ZC3H6: variants seen among roughly 807,000 people sequenced by gnomAD.
ZC3H6 encodes the protein zinc finger CCCH-type containing 6.
Under a neutral mutation model 107.7 loss-of-function variants are expected in ZC3H6, and 40 were observed. That is an observed-to-expected ratio of 0.37 (90% CI 0.29 to 0.48). The LOEUF is 0.48. ZC3H6 is among the 20% of genes least tolerant of loss of function. ZC3H6 has a pLI of 0.98. For missense variants in ZC3H6, 1,267 were observed against 1,410.4 expected (o/e 0.90, Z 1.63); for synonymous variants, 493 against 487.9 (o/e 1.01, Z -0.14).
intron 5 of ZC3H6, among the ~76,000 whole-genome samples, chr2:112,313,994 C>G (rs999773661): frequency 5.3e-5 from 8 of 152,126 alleles, no homozygotes; most frequent in African/African-American, 1.9e-4. Flanking sequence ...TTTACTGTAC[C>G]TATTACATTT....
chr2:112,284,786 G>T (rs1243348092), intron 1 of ZC3H6, among the ~76,000 whole-genome samples: 1 of 152,014 alleles, frequency 6.6e-6, no homozygotes, highest in Non-Finnish European at 1.5e-5. Flanking sequence ...AACTTTTGGA[G>T]GTTTTCCTCC....
intron 9 of ZC3H6, among the ~76,000 whole-genome samples, chr2:112,323,516 T>C (rs145528272): frequency 6.6e-6 from 1 of 152,322 alleles, no homozygotes; most frequent in Admixed American, 6.5e-5. Context: ...AAGATAAGTA[T>C]GTCCACTATT....
chr2:112,300,048 T>C lies in ZC3H6; in HGVS notation c.213+19T>C. On this transcript the variant is annotated intron_variant, in intron 2 of 11. Coordinates refer to ENST00000409871, the MANE Select transcript of ZC3H6 (RefSeq NM_198581.3). ...ACATAAGGTTAGTTAGAATCTACTT[T>C]TTATTCTTTTGATAAATGTTTATGA... 4 of 1,339,772 alleles carry C rather than the reference T, an allele frequency of 3.0e-6. No homozygotes were observed. Among genetic ancestry groups the C allele is most frequent in the South Asian group, 1.9e-5 (1 of 51,364 alleles). The allele number at this position is 1,339,772 out of a possible 1,614,324, so 83.0% of individuals were successfully genotyped here.
At chr2:112,299,081 T>A (rs1355592786) in intron 1 of ZC3H6, among the ~76,000 whole-genome samples, 1 of 151,988 alleles carries the variant, frequency 6.6e-6, no homozygotes, top group Non-Finnish European at 1.5e-5. Flanking sequence ...ATTGAGACCA[T>A]CCTGGCTAAC....
At chr2:112,303,107 G>A (rs918004104) in intron 2 of ZC3H6, 122 bp from the exon 3 acceptor site, 4 of 1,258,142 alleles carry the variant, frequency 3.2e-6, no homozygotes, top group Non-Finnish European at 4.3e-6. Flanking sequence ...TAGTACTTCA[G>A]AGTCTCCTGG....
rs1313063800 is a variant in ZC3H6 at position 112,322,874 on chromosome 2, G to A, written c.1312G>A (p.Val438Met). ...SLFEIVVKPT[V>M]DLAHKIGRKP... ...TTTTGAAATAGTTGTAAAACCTACTGTGGATTTAGCGCATAAAATTGGGAG... is the reference window on the plus strand; with the variant it reads ...TTTTGAAATAGTTGTAAAACCTACTATGGATTTAGCGCATAAAATTGGGAG... Residue 438 changes from valine (V) to methionine (M), a missense_variant, in exon 9 of 12, where the codon GTG becomes ATG. By Grantham distance (21) the Val-to-Met change is conservative. This residue lies in a region of ZC3H6 where 925 missense variants were observed against 1,025.7 expected (regional missense o/e 0.90). Coordinates refer to ENST00000409871, the MANE Select transcript of ZC3H6 (RefSeq NM_198581.3). The A allele has an allele frequency of 1.2e-6, 2 of 1,605,900 alleles. No individual in the cohort carries two copies. Among genetic ancestry groups the A allele is most frequent in the African/African-American group, 2.7e-5 (2 of 74,446 alleles).
chr2:112,315,554 A>G (rs1456674118), intron 5 of ZC3H6, among the ~76,000 whole-genome samples: 2 of 150,654 alleles, frequency 1.3e-5, no homozygotes, highest in African/African-American at 2.4e-5. Context: ...ATTGGGATCA[A>G]TTTTTTACTT....
At position 112,331,876 on chromosome 2, in the gene ZC3H6, G is replaced by A. The variant is rs758200781; in HGVS notation, c.2958G>A (p.Met986Ile). The A allele has an allele frequency of 2.2e-5, 36 of 1,613,858 alleles. No homozygotes were observed. The East Asian group carries it at 8.0e-4, about 36-fold the overall frequency. Reference sequence around the variant, plus strand: ...ATACAGAGTCTCATCAAGTGGTTATGAAGGATTCACATGCATCAAAGGGTG... The same window carrying A: ...ATACAGAGTCTCATCAAGTGGTTATAAAGGATTCACATGCATCAAAGGGTG... ...LPNTESHQVV[M>I]KDSHASKGAP... The change falls in exon 12 of 12, where the codon ATG (methionine) becomes ATA (isoleucine). Residue 986 changes from methionine to isoleucine, a missense_variant. This residue lies in a region of ZC3H6 where 925 missense variants were observed against 1,025.7 expected (regional missense o/e 0.90). Coordinates refer to ENST00000409871, the MANE Select transcript of ZC3H6 (RefSeq NM_198581.3).
chr2:112,280,887 C>T (rs922187678), intron 1 of ZC3H6, among the ~76,000 whole-genome samples: 1 of 152,024 alleles, frequency 6.6e-6, no homozygotes, highest in African/African-American at 2.4e-5. Context: ...GTCTTTTAAG[C>T]AGGAGAATGA....
At chr2:112,299,644 A>G (rs978810917) in intron 1 of ZC3H6, among the ~76,000 whole-genome samples, 7 of 152,246 alleles carry the variant, frequency 4.6e-5, no homozygotes, top group African/African-American at 1.7e-4. Context: ...AAGGAATGTT[A>G]AATGAAGACG....
In ZC3H6 at chr2:112,322,906, A is replaced by G; in HGVS notation, c.1340+4A>G. On this transcript the variant is annotated splice_donor_region_variant and intron_variant, in intron 9 of 11. Transcript: ENST00000409871. ...TAGCGCATAAAATTGGGAGGAAGTA[A>G]GTGAAAAACTTTCAAAATGACATCA... The G allele has an allele frequency of 6.4e-7, 1 of 1,567,334 alleles. No individual in the cohort carries two copies. The highest frequency in any genetic ancestry group is 8.6e-7 in the Non-Finnish European group (1 of 1,161,988).
chr2:112,316,685 A>G (rs1573960887), intron 6 of ZC3H6, 99 bp downstream of exon 6: 9 of 690,472 alleles, frequency 1.3e-5, no homozygotes, highest in Non-Finnish European at 2.1e-5. Flanking sequence ...CTTCTCATAT[A>G]GTTGTAATAA....
rs1462105382 is a variant in ZC3H6 at position 112,331,973 on chromosome 2, G to A, written c.3055G>A (p.Gly1019Arg). Residue 1019 changes from glycine (G) to arginine (R), a missense_variant, in exon 12 of 12, where the codon GGG becomes AGG. By Grantham distance (125) the Gly-to-Arg change is moderately radical. Transcript: ENST00000409871. ...GGCAGGAACTAGCAATTCTGGTTCCGGGGCTCTGCCTCCATATGCCCCTAA... is the reference window on the plus strand; with the variant it reads ...GGCAGGAACTAGCAATTCTGGTTCCAGGGCTCTGCCTCCATATGCCCCTAA... ...SGAGTSNSGS[G>R]ALPPYAPKLS... 4 of 1,613,992 alleles carry A rather than the reference G, an allele frequency of 2.5e-6. No homozygotes were observed. Among genetic ancestry groups the A allele is most frequent in the Non-Finnish European group, 3.4e-6 (4 of 1,179,896 alleles).
chr2:112,315,913 G>T (rs928294345), intron 5 of ZC3H6, among the ~76,000 whole-genome samples: 1 of 152,092 alleles, frequency 6.6e-6, no homozygotes, highest in African/African-American at 2.4e-5. Flanking sequence ...CAAAGTTGTT[G>T]ATTTTTTAAT....
At chr2:112,292,057 C>T (rs1180999747) in intron 1 of ZC3H6, among the ~76,000 whole-genome samples, 2 of 152,114 alleles carry the variant, frequency 1.3e-5, no homozygotes, top group Non-Finnish European at 2.9e-5. Flanking sequence ...TTTGGGGACT[C>T]GAAATTCTCC....
intron 3 of ZC3H6, among the ~76,000 whole-genome samples, chr2:112,304,371 CAGTCTGG>C (rs1335069804): frequency 6.6e-6 from 1 of 152,150 alleles, no homozygotes; most frequent in African/African-American, 2.4e-5. Context: ...TATTTTCTCA[CAGTCTGG>C]AGTCTAGAAG....
At position 112,336,115 on chromosome 2, in the gene ZC3H6, C is replaced by T. The variant is rs1262791518; in HGVS notation, c.*3627C>T. On this transcript the variant is annotated 3_prime_UTR_variant, in exon 12 of 12. Coordinates refer to ENST00000409871, the MANE Select transcript of ZC3H6 (RefSeq NM_198581.3). ...ACACTGCGGTCTTCCTGAAAGACTA[C>T]TTACTTCATAAAGGTATTATGTTTC... 6.6e-6 allele frequency: 1 copy of T among 152,070 alleles called. No homozygotes were observed. Among genetic ancestry groups the T allele is most frequent in the Non-Finnish European group, 1.5e-5 (1 of 68,022 alleles). The allele number at this position is 152,070 out of a possible 1,614,324, so 9.4% of individuals were successfully genotyped here. A position where few individuals can be genotyped will look rare whatever the true frequency, so the allele number is the denominator to read the frequency against.
chr2:112,312,605 G>A (rs577511411), intron 5 of ZC3H6, among the ~76,000 whole-genome samples: 333 of 152,288 alleles, frequency 2.2e-3, no homozygotes, highest in Non-Finnish European at 3.8e-3. Context: ...GCTCACGCCC[G>A]TAATCCCAGC....
intron 1 of ZC3H6, among the ~76,000 whole-genome samples, chr2:112,296,724 G>A (rs1558948957): frequency 1.3e-5 from 2 of 152,148 alleles, no homozygotes; most frequent in Non-Finnish European, 2.9e-5. Context: ...CTTCTATGAT[G>A]CAAGAGTTAT....
Sources: gnomAD v4.1 joint callset for allele counts (sites outside exome capture counted in the v4.1 genomes callset) on GRCh38, gnomAD v4.1.1 for gene constraint, gnomAD v4.1.1 regional missense constraint, MANE v1.5 for transcripts, NCBI Gene and HGNC (gene_info 2026-07-23, HGNC 2026-07-21) for gene names.